Variants in RGS22 observed in about 807,000 individuals in gnomAD.
RGS22 encodes regulator of G-protein signaling 22.
A neutral mutation model predicts 172.9 loss-of-function variants in RGS22; 148 were observed. The observed-to-expected ratio is 0.86, with a 90% CI of 0.75 to 0.98. The LOEUF (loss-of-function observed/expected upper bound fraction) is 0.98. Ranked by LOEUF, RGS22 falls within the 50% of genes least tolerant of loss-of-function variation. The probability of loss-of-function intolerance (pLI) is 0.00; values close to 1 mark genes in which losing one functional copy is unlikely to be tolerated. For synonymous variants in RGS22, 458 were observed against 480.2 expected (o/e 0.95, Z 0.60); for missense variants, 1,347 against 1,440.8 (o/e 0.93, Z 1.05).
intron 23 of RGS22, among the ~76,000 whole-genome samples, chr8:99,976,740 A>G (rs1461226901): frequency 2.0e-5 from 3 of 152,134 alleles, no homozygotes; most frequent in Non-Finnish European, 4.4e-5. Context: ...GGGTTATAGA[A>G]CTCAGGGCTG....
intron 21 of RGS22, among the ~76,000 whole-genome samples, chr8:99,984,788 G>GACACACACAC (rs111285438): frequency 7.0e-4 from 98 of 139,730 alleles, no homozygotes; most frequent in African/African-American, 2.0e-3. Context: ...AGTCTTTACG[G>GACACACACAC]ACACACACAC....
intron 23 of RGS22, among the ~76,000 whole-genome samples, chr8:99,968,875 G>A (rs574492869): frequency 6.6e-6 from 1 of 152,224 alleles, no homozygotes; most frequent in East Asian, 1.9e-4. Context: ...AGGAAATACA[G>A]AGAATGCCAC....
intron 18 of RGS22, among the ~76,000 whole-genome samples, chr8:100,000,920 T>C (rs1000095899): frequency 1.3e-5 from 2 of 152,192 alleles, no homozygotes; most frequent in Admixed American, 6.5e-5. Flanking sequence ...TGGTATGCCT[T>C]ACTTGTGAAC....
At chr8:99,967,313 C>T (rs969316163) in intron 23 of RGS22, among the ~76,000 whole-genome samples, 26 of 151,678 alleles carry the variant, frequency 1.7e-4, no homozygotes, top group African/African-American at 3.4e-4. Flanking sequence ...GGGCAGACAC[C>T]GAGCTAGCTC....
At chr8:99,990,888 C>T (rs1813646846) in intron 20 of RGS22, among the ~76,000 whole-genome samples, 1 of 152,140 alleles carries the variant, frequency 6.6e-6, no homozygotes, top group Non-Finnish European at 1.5e-5. Context: ...GGCAGCTACC[C>T]CTCTGGGACG....
chr8:100,062,520 A>T, intron 9 of RGS22, 71 bp downstream of exon 9: 1 of 1,017,494 alleles, frequency 9.8e-7, no homozygotes, highest in Non-Finnish European at 1.5e-6. Flanking sequence ...TATATCCGTA[A>T]GACAAAAAAA....
chr8:100,028,436 A>G (rs569840521), intron 14 of RGS22, among the ~76,000 whole-genome samples: 92 of 143,650 alleles, frequency 6.4e-4, no homozygotes, highest in African/African-American at 2.3e-3. Context: ...GCTTCTTTAT[A>G]CCTACCAAAC....
chr8:99,966,036 C>T (rs1004637571), intron 23 of RGS22, among the ~76,000 whole-genome samples: 7 of 152,058 alleles, frequency 4.6e-5, no homozygotes, highest in African/African-American at 1.7e-4. Context: ...ATCTTATGCA[C>T]TAAAAGGTTT....
chr8:100,080,112 A>G, intron 4 of RGS22, 22 bp downstream of exon 4: 2 of 1,506,696 alleles, frequency 1.3e-6, no homozygotes, highest in Non-Finnish European at 1.8e-6. Context: ...ATCTAACAAG[A>G]TAAAACAGTA....
chr8:100,097,233 G>A (rs1813047387), intron 2 of RGS22, among the ~76,000 whole-genome samples: 1 of 152,138 alleles, frequency 6.6e-6, no homozygotes, highest in Non-Finnish European at 1.5e-5. Context: ...ATGCACTGGA[G>A]TTTGGATTAC....
intron 22 of RGS22, among the ~76,000 whole-genome samples, chr8:99,979,815 T>G (rs969780155): frequency 6.6e-6 from 1 of 152,174 alleles, no homozygotes; most frequent in Admixed American, 6.5e-5. Context: ...TAAGAACCAT[T>G]CCCTGCCCTC....
intron 14 of RGS22, among the ~76,000 whole-genome samples, chr8:100,033,797 A>C (rs1354774903): frequency 6.6e-6 from 1 of 152,240 alleles, no homozygotes; most frequent in Non-Finnish European, 1.5e-5. Context: ...ATGGCATGCA[A>C]GACTGGTTCA....
chr8:99,990,157 C>T (rs1175706625), intron 20 of RGS22, among the ~76,000 whole-genome samples: 2 of 152,056 alleles, frequency 1.3e-5, no homozygotes, highest in African/African-American at 4.8e-5. Context: ...GAATAGAGCT[C>T]CTTATTCAGG....
chr8:100,051,843 ATT>A lies in RGS22; in HGVS notation c.1689+957_1689+958del, dbSNP rs1563671691. Among the ~76,000 whole-genome samples, 21 of 55,906 alleles carry A rather than the reference ATT, an allele frequency of 3.8e-4. 7 individuals carry two copies. The highest frequency in any genetic ancestry group is 4.2e-4 in the Non-Finnish European group (15 of 35,704). 36.7% of individuals were successfully genotyped at this position (55,906 alleles called of 152,430 possible). On this transcript the variant is annotated intron_variant, in intron 10 of 27. Coordinates refer to ENST00000360863, the MANE Select transcript of RGS22 (RefSeq NM_015668.5). ...TATATTTATATATAAATGTTTATATATTTATATATTTATATATAAATGTTTAT... is the reference window on the plus strand; with the variant it reads ...TATATTTATATATAAATGTTTATATATATATATTTATATATAAATGTTTAT...
intron 22 of RGS22, among the ~76,000 whole-genome samples, chr8:99,978,662 G>T (rs570796780): frequency 6.6e-6 from 1 of 152,294 alleles, no homozygotes; most frequent in Admixed American, 6.5e-5. Flanking sequence ...CTGGACAAAT[G>T]CTTTCTATAA....
Position 100,030,747 on chromosome 8 carries a change from A to G in RGS22, c.2166+8184T>C, listed in dbSNP as rs566505924. ...ATAAAATAGACATTTTCAAACAAAT[A>G]GGGTCTACTACCACTAGCAGGCTCT... On this transcript the variant is annotated intron_variant, in intron 14 of 27. Transcript: ENST00000360863. Among the ~76,000 whole-genome samples, 6 of 152,336 alleles carry G rather than the reference A, an allele frequency of 3.9e-5. No individual in the cohort carries two copies. The East Asian group carries it at 9.6e-4, about 24-fold the overall frequency.
In RGS22 at chr8:99,996,618, A is replaced by G. The variant is rs1397176578; in HGVS notation, c.2950-88T>C. On this transcript the variant is annotated intron_variant, in intron 19 of 27. Coordinates refer to ENST00000360863, the MANE Select transcript of RGS22 (RefSeq NM_015668.5). Reference sequence around the variant, plus strand: ...AATTAAGTAGCTAAAAAAATGAGATAAAGGTTAACTTGGACAAGAGATAGT... The same window carrying G: ...AATTAAGTAGCTAAAAAAATGAGATGAAGGTTAACTTGGACAAGAGATAGT... 4 of 1,098,580 alleles carry G rather than the reference A, an allele frequency of 3.6e-6. No homozygotes were observed. The African/African-American group carries it at 6.3e-5, about 17-fold the overall frequency. 68.1% of individuals were successfully genotyped at this position (1,098,580 alleles called of 1,614,324 possible).
intron 10 of RGS22, among the ~76,000 whole-genome samples, chr8:100,050,121 G>T (rs1172054569): frequency 2.0e-5 from 3 of 151,576 alleles, no homozygotes; most frequent in Non-Finnish European, 4.4e-5. Context: ...ACTGGATTTT[G>T]ATCTCTGGGT....
At chr8:100,061,958 T>C (rs923941440) in intron 9 of RGS22, among the ~76,000 whole-genome samples, 1 of 152,200 alleles carries the variant, frequency 6.6e-6, no homozygotes, top group Non-Finnish European at 1.5e-5. Context: ...CATGGAATAC[T>C]ATGCAGCCAT....
Sources: gnomAD v4.1 joint callset for allele counts (sites outside exome capture counted in the v4.1 genomes callset) on GRCh38, gnomAD v4.1.1 for gene constraint, MANE v1.5 for transcripts, NCBI Gene and HGNC (gene_info 2026-07-23, HGNC 2026-07-21) for gene names.